Variants in MX2 observed in about 807,000 individuals in gnomAD.
The protein encoded by MX2 is interferon-induced GTP-binding protein Mx2.
MX2 carries 51 observed loss-of-function variants against 74.0 expected under a neutral mutation model. The observed-to-expected ratio is 0.69, with a 90% CI of 0.55 to 0.87. The LOEUF is 0.87. Among genes scored for constraint, MX2 ranks in the 40% least tolerant of loss-of-function variants. The probability of loss-of-function intolerance (pLI) is 0.00; values close to 1 mark genes in which losing one functional copy is unlikely to be tolerated. For missense variants in MX2, 832 were observed against 908.7 expected, an observed-to-expected ratio of 0.92 and a Z score of 1.09; for synonymous variants, 369 against 339.3, an observed-to-expected ratio of 1.09 and a Z score of -0.96.
intron 1 of MX2, among the ~76,000 whole-genome samples, chr21:41,369,656 TC>T (rs2089298119): frequency 6.6e-6 from 1 of 152,046 alleles, no homozygotes; most frequent in African/African-American, 2.4e-5. Flanking sequence ...GAGGTGCTGC[TC>T]TGGGACTCTG....
chr21:41,373,589 A>C (rs1388868281), intron 1 of MX2, among the ~76,000 whole-genome samples: 1 of 152,058 alleles, frequency 6.6e-6, no homozygotes, highest in Non-Finnish European at 1.5e-5. Context: ...TCTGCCCTTC[A>C]GCCCCACAGC....
chr21:41,376,914 A>G lies in MX2; in HGVS notation c.8A>G (p.Lys3Arg). The G allele has an allele frequency of 6.2e-7, 1 of 1,613,906 alleles. No homozygotes were observed. The highest frequency in any genetic ancestry group is 1.1e-5 in the South Asian group (1 of 91,090). The change falls in exon 2 of 14, where the codon AAG (lysine) becomes AGG (arginine). Residue 3 changes from lysine (K) to arginine (R), a missense_variant. By Grantham distance (26) the Lys-to-Arg change is conservative. Coordinates refer to ENST00000330714, the MANE Select transcript of MX2 (RefSeq NM_002463.2). MS[K>R]AHKPWPYRRR... ...CTGACAGGGAGACAGCACATGTCTA[A>G]GGCCCACAAGCCTTGGCCCTACCGG...
chr21:41,379,987 CTG>C (rs759632945), intron 3 of MX2, 28 bp from the exon 4 acceptor site: 89 of 1,611,876 alleles, frequency 5.5e-5, no homozygotes, highest in Middle Eastern at 1.7e-4. Context: ...TAAAAGGAAA[CTG>C]AGGATATTTG....
rs1384932260 is a variant in MX2 at position 41,368,240 on chromosome 21, G to A, written c.-72+6185G>A. ...AGTCCCACCTGTCCATGTGTCACCC[G>A]GCTCTTCCGTGTCGTCTCCGTGAGC... On this transcript the variant is annotated intron_variant, in intron 1 of 13. Coordinates refer to ENST00000330714, the MANE Select transcript of MX2 (RefSeq NM_002463.2). The surrounding 1 kb of genome is among the most constrained non-coding windows in gnomAD (Gnocchi z 4.6). Among the ~76,000 whole-genome samples, 4 of 152,226 alleles carry A rather than the reference G, an allele frequency of 2.6e-5. No homozygotes were observed. In the South Asian group the frequency reaches 6.2e-4, roughly 24 times the overall value.
At chr21:41,387,043 G>C (rs925966124) in intron 5 of MX2, among the ~76,000 whole-genome samples, 4 of 152,186 alleles carry the variant, frequency 2.6e-5, no homozygotes, top group Non-Finnish European at 4.4e-5. Context: ...CTTAGTCATA[G>C]AGTCAAAGCT....
intron 6 of MX2, among the ~76,000 whole-genome samples, chr21:41,391,328 A>G (rs2089657708): frequency 6.6e-6 from 1 of 152,110 alleles, no homozygotes; most frequent in Non-Finnish European, 1.5e-5. Flanking sequence ...TTTAATAGTC[A>G]GTTTTCTGGT....
rs2089910456 is a variant in MX2 at position 41,408,095 on chromosome 21, G to C, written c.2010G>C (p.Gln670His). The change falls in exon 14 of 14, where the codon CAG (glutamine) becomes CAC (histidine). Residue 670 changes from glutamine to histidine, a missense_variant. Physicochemically the swap from Gln to His is conservative, Grantham distance 24 (BLOSUM62 0). Coordinates refer to ENST00000330714, the MANE Select transcript of MX2 (RefSeq NM_002463.2). Reference sequence around the variant, plus strand: ...AGAAAGCCATGATGCAGATACTACAGGAAAAAAATCGCTATTCCTGGCTGC... The same window carrying C: ...AGAAAGCCATGATGCAGATACTACACGAAAAAAATCGCTATTCCTGGCTGC... ...SLQKAMMQIL[Q>H]EKNRYSWLLQ... 1.2e-6 allele frequency: 2 copies of C among 1,614,170 alleles called. No individual in the cohort carries two copies. The highest frequency in any genetic ancestry group is 1.7e-6 in the Non-Finnish European group (2 of 1,180,034).
rs752347553 is a variant in MX2, at chr21:41,377,937, C to G, written c.398C>G (p.Ser133Cys). 1.9e-6 allele frequency: 3 copies of G among 1,614,228 alleles called. No individual in the cohort carries two copies. Among genetic ancestry groups the G allele is most frequent in the Non-Finnish European group, 2.5e-6 (3 of 1,180,048 alleles). ...VIGDQSSGKS[S>C]VLEALSGVAL... ...GGGGACCAGAGCTCGGGCAAGAGCT[C>G]TGTGCTGGAGGCACTGTCAGGAGTC... is the stretch of plus-strand genomic sequence containing the variant. The change falls in exon 3 of 14, where the codon TCT (serine) becomes TGT (cysteine). Residue 133 changes from serine to cysteine, a missense_variant. Transcript: ENST00000330714.
Position 41,366,681 on chromosome 21 carries a change from T to G in MX2, c.-72+4626T>G, listed in dbSNP as rs1601387849. The G allele has an allele frequency of 6.6e-6, 1 of 152,192 alleles. No homozygotes were observed. The highest frequency in any genetic ancestry group is 1.9e-4 in the East Asian group (1 of 5,176). 9.4% of individuals were successfully genotyped at this position (152,192 alleles called of 1,614,324 possible). The stretch of plus-strand genomic sequence containing the variant: ...GATCCCTGCACAAGACCAGCCGTCT[T>G]CCTCCGCCCCATATTGTTCAGCCCT... On this transcript the variant is annotated intron_variant, in intron 1 of 13. Transcript: ENST00000330714. This position sits in a 1 kb window ranked among gnomAD's most constrained non-coding sequence, Gnocchi z 4.5.
Position 41,407,085 on chromosome 21 carries a change from G to C in MX2, c.1905+87G>C, listed in dbSNP as rs1193197188. The C allele has an allele frequency of 4.2e-6, 6 of 1,412,526 alleles. No homozygotes were observed. In the Admixed American group the frequency reaches 1.4e-4, roughly 32 times the overall value. The allele number at this position is 1,412,526 out of a possible 1,614,324, so 87.5% of individuals were successfully genotyped here. The stretch of plus-strand genomic sequence containing the variant: ...TGCTAACCTAGAGAGGCTTTGCTGA[G>C]GGAAGGAGGGAGGGACCACTACAAT... On this transcript the variant is annotated intron_variant, in intron 13 of 13. Coordinates refer to ENST00000330714, the MANE Select transcript of MX2 (RefSeq NM_002463.2).
At position 41,400,917 on chromosome 21, in the gene MX2, G is replaced by C. The variant is rs983925749; in HGVS notation, c.1415-1053G>C. The C allele has an allele frequency of 2.0e-5, 3 of 152,244 alleles. No homozygotes were observed. The East Asian group carries it at 5.8e-4, about 29-fold the overall frequency. 9.4% of individuals were successfully genotyped at this position (152,244 alleles called of 1,614,324 possible). On this transcript the variant is annotated intron_variant, in intron 10 of 13. Coordinates refer to ENST00000330714, the MANE Select transcript of MX2 (RefSeq NM_002463.2). ...AGATGGGGTTTTGCCACGTTGACCA[G>C]GCTGGTCTCGAACTCCTGACCTCAG...
chr21:41,372,186 A>G (rs376974335), intron 1 of MX2, among the ~76,000 whole-genome samples: 2 of 152,154 alleles, frequency 1.3e-5, no homozygotes, highest in South Asian at 4.1e-4. Flanking sequence ...CCTGGGTTAT[A>G]TTGGTTGCAG....
At chr21:41,373,363 G>A (rs991467381) in intron 1 of MX2, among the ~76,000 whole-genome samples, 1 of 152,210 alleles carries the variant, frequency 6.6e-6, no homozygotes, top group African/African-American at 2.4e-5. Context: ...AATGCATGAT[G>A]TGACTTTGGG....
chr21:41,372,190 G>A (rs548495295), intron 1 of MX2, among the ~76,000 whole-genome samples: 1 of 152,178 alleles, frequency 6.6e-6, no homozygotes, highest in Non-Finnish European at 1.5e-5. Context: ...GGTTATATTG[G>A]TTGCAGATGA....
intron 8 of MX2, among the ~76,000 whole-genome samples, chr21:41,398,264 G>A (rs1041859267): frequency 1.3e-5 from 2 of 152,196 alleles, no homozygotes; most frequent in Admixed American, 6.5e-5. Flanking sequence ...AGCCAAGATC[G>A]TGCCATTGCA....
intron 1 of MX2, among the ~76,000 whole-genome samples, chr21:41,371,030 G>A (rs1448045812): frequency 6.6e-6 from 1 of 152,158 alleles, no homozygotes; most frequent in African/African-American, 2.4e-5. Context: ...TCTGAAGGAG[G>A]GAGGAAGAAG....
rs1346287369 is a variant in MX2 at position 41,390,348 on chromosome 21, C to G, written c.733-217C>G. ...GGGGTCTTCAGGAAAGAAGACATGC[C>G]AGCCGTGGGCTTTGAAGGACAAGTG... On this transcript the variant is annotated intron_variant, in intron 5 of 13. Transcript: ENST00000330714. The G allele has an allele frequency of 1.1e-5, 6 of 554,144 alleles. 1 individual carries two copies. In the South Asian group the frequency reaches 1.2e-4, roughly 12 times the overall value. 34.3% of individuals were successfully genotyped at this position (554,144 alleles called of 1,614,324 possible). A position where few individuals can be genotyped will look rare whatever the true frequency, so the allele number is the denominator to read the frequency against.
At chr21:41,385,475 C>T (rs557394737) in intron 5 of MX2, among the ~76,000 whole-genome samples, 79 of 152,332 alleles carry the variant, frequency 5.2e-4, no homozygotes, top group Non-Finnish European at 8.7e-4. Flanking sequence ...CCCCTGCACA[C>T]GCTCTCTTGA....
intron 5 of MX2, among the ~76,000 whole-genome samples, chr21:41,385,307 A>C (rs1190356577): frequency 6.6e-6 from 1 of 152,190 alleles, no homozygotes; most frequent in Non-Finnish European, 1.5e-5. Flanking sequence ...CTGTGTCCCC[A>C]CCCAAATCTC....
Sources: gnomAD v4.1 joint callset for allele counts (sites outside exome capture counted in the v4.1 genomes callset) on GRCh38, gnomAD v4.1.1 for gene constraint, Gnocchi (gnomAD v3.1) non-coding constraint, MANE v1.5 for transcripts, NCBI Gene and HGNC (gene_info 2026-07-23, HGNC 2026-07-21) for gene names.